ACOXL: variants seen among roughly 807,000 people sequenced by gnomAD.
ACOXL encodes acyl-CoA oxidase like.
In ACOXL, 70 loss-of-function variants were observed where a neutral mutation model predicts 71.9. The observed-to-expected ratio is 0.97, with a 90% confidence interval of 0.80 to 1.19. The LOEUF (loss-of-function observed/expected upper bound fraction) is 1.19. ACOXL is among the 50% of genes most tolerant of loss of function. The probability of loss-of-function intolerance (pLI) is 0.00; values close to 1 mark genes in which losing one functional copy is unlikely to be tolerated. For synonymous variants in ACOXL, 253 were observed against 281.6 expected, an observed-to-expected ratio of 0.90 and a Z score of 1.02; for missense variants, 703 against 736.3, an observed-to-expected ratio of 0.95 and a Z score of 0.52.
chr2:110,957,785 G>A (rs1380897786), intron 12 of ACOXL, among the ~76,000 whole-genome samples: 2 of 152,144 alleles, frequency 1.3e-5, no homozygotes, highest in Non-Finnish European at 2.9e-5. Flanking sequence ...GACCAGGGGT[G>A]CTGGCTTATG....
At position 111,118,197 on chromosome 2, in the gene ACOXL, A is replaced by G; in HGVS notation, c.*381A>G. ...CGGTGACTCACATTCCCAGTGATTT[A>G]GAAAAACTGTGGTGCCGAGTGAAAG... is the stretch of plus-strand genomic sequence containing the variant. On this transcript the variant is annotated 3_prime_UTR_variant, in exon 18 of 18. Transcript: ENST00000439055. 6.8e-6 allele frequency: 2 copies of G among 294,120 alleles called. No homozygotes were observed. Among genetic ancestry groups the G allele is most frequent in the Non-Finnish European group, 6.3e-6 (1 of 158,914 alleles). The allele number at this position is 294,120 out of a possible 1,614,324, so 18.2% of individuals were successfully genotyped here. A position where few individuals can be genotyped will look rare whatever the true frequency, so the allele number is the denominator to read the frequency against.
chr2:110,794,724 G>A (rs549598112), intron 5 of ACOXL, among the ~76,000 whole-genome samples: 16 of 152,216 alleles, frequency 1.1e-4, no homozygotes, highest in Admixed American at 9.1e-4. Context: ...ACTCTATATG[G>A]TCAATGCTGA....
At chr2:111,034,205 G>A (rs2065406071) in intron 15 of ACOXL, among the ~76,000 whole-genome samples, 2 of 152,200 alleles carry the variant, frequency 1.3e-5, no homozygotes, top group South Asian at 2.1e-4. Context: ...TCGTGGGGCT[G>A]TTGGAAATAT....
intron 14 of ACOXL, among the ~76,000 whole-genome samples, chr2:111,010,141 A>G (rs1039892115): frequency 6.6e-6 from 1 of 152,156 alleles, no homozygotes; most frequent in African/African-American, 2.4e-5. Context: ...GAAGACCCCA[A>G]AATTCCCAGA....
At chr2:111,074,171 T>C (rs922683851) in intron 16 of ACOXL, among the ~76,000 whole-genome samples, 2 of 151,986 alleles carry the variant, frequency 1.3e-5, no homozygotes, top group African/African-American at 4.8e-5. Flanking sequence ...TGTTGTTTTT[T>C]TTTTTTTCTA....
chr2:110,810,549 A>T (rs1200780824), intron 9 of ACOXL, among the ~76,000 whole-genome samples: 1 of 151,856 alleles, frequency 6.6e-6, no homozygotes, highest in African/African-American at 2.4e-5. Context: ...TCATCCATTC[A>T]TCATTCATCC....
At position 110,805,250 on chromosome 2, in the gene ACOXL, CTCT is replaced by C. The variant is rs1162555602; in HGVS notation, c.621-11_621-9del. ...CCTGCTTTTTTGTGAAACCCCACCT[CTCT>C]TTTCCACAGGTTTGGTTCCGTGGCT... On this transcript the variant is annotated splice_polypyrimidine_tract_variant and intron_variant, in intron 8 of 17. Coordinates refer to ENST00000439055, the MANE Select transcript of ACOXL (RefSeq NM_001142807.4). 1.9e-6 allele frequency: 3 copies of C among 1,613,796 alleles called. No individual in the cohort carries two copies. Among genetic ancestry groups the C allele is most frequent in the Non-Finnish European group, 2.5e-6 (3 of 1,179,894 alleles).
intron 11 of ACOXL, 83 bp downstream of exon 11, chr2:110,908,988 A>C (rs1044040768): frequency 9.7e-7 from 1 of 1,033,350 alleles, no homozygotes; most frequent in African/African-American, 1.6e-5. Flanking sequence ...CAGGCACAGG[A>C]TGTCATTTTC....
intron 12 of ACOXL, among the ~76,000 whole-genome samples, chr2:110,967,338 A>G (rs1291364539): frequency 2.0e-5 from 3 of 152,224 alleles, no homozygotes; most frequent in Non-Finnish European, 4.4e-5. Context: ...AATTTACCCA[A>G]TCTGAACAAC....
intron 3 of ACOXL, among the ~76,000 whole-genome samples, chr2:110,788,306 A>G (rs1437042775): frequency 6.6e-6 from 1 of 152,272 alleles, no homozygotes; most frequent in Non-Finnish European, 1.5e-5. Flanking sequence ...TTGTTCAGCC[A>G]CAAAAAATAG....
At chr2:110,946,027 C>G (rs1199725239) in intron 12 of ACOXL, among the ~76,000 whole-genome samples, 1 of 152,138 alleles carries the variant, frequency 6.6e-6, no homozygotes, top group African/African-American at 2.4e-5. Context: ...TTTCTTTGAG[C>G]AGCGTTTTGT....
intron 12 of ACOXL, among the ~76,000 whole-genome samples, chr2:110,942,885 A>C (rs753099169): frequency 1.3e-5 from 2 of 150,954 alleles, no homozygotes; most frequent in Admixed American, 6.6e-5. Context: ...CCCTGAAAAA[A>C]AAAGGAAGGC....
At chr2:111,009,025 C>T (rs2064008089) in intron 14 of ACOXL, among the ~76,000 whole-genome samples, 1 of 152,142 alleles carries the variant, frequency 6.6e-6, no homozygotes, top group Non-Finnish European at 1.5e-5. Flanking sequence ...AATTTTCTCC[C>T]AGTTCGTCAC....
At chr2:111,108,814 C>T (rs566739149) in intron 17 of ACOXL, among the ~76,000 whole-genome samples, 1 of 152,314 alleles carries the variant, frequency 6.6e-6, no homozygotes, top group East Asian at 1.9e-4. Context: ...CAATTCCTCA[C>T]CCTGACCCCT....
At chr2:110,848,208 TA>T (rs1661623294) in intron 10 of ACOXL, among the ~76,000 whole-genome samples, 1 of 152,170 alleles carries the variant, frequency 6.6e-6, no homozygotes, top group Non-Finnish European at 1.5e-5. Flanking sequence ...CCAAATTTTG[TA>T]AAAATAAACA....
At chr2:110,910,258 C>A (rs1309449347) in intron 11 of ACOXL, among the ~76,000 whole-genome samples, 1 of 152,106 alleles carries the variant, frequency 6.6e-6, no homozygotes, top group Non-Finnish European at 1.5e-5. Flanking sequence ...TCTTTAGTGT[C>A]CAATTTATTT....
At chr2:110,780,847 A>G (rs902671753) in intron 2 of ACOXL, among the ~76,000 whole-genome samples, 1 of 151,934 alleles carries the variant, frequency 6.6e-6, no homozygotes, top group Non-Finnish European at 1.5e-5. Context: ...CATCCTGGGC[A>G]ACATGGTGAG....
chr2:110,971,253 C>A (rs575905663), intron 12 of ACOXL, among the ~76,000 whole-genome samples: 1 of 152,296 alleles, frequency 6.6e-6, no homozygotes, highest in South Asian at 2.1e-4. Flanking sequence ...AAATGCAAAT[C>A]AAAACTCCTA....
chr2:110,751,869 C>A (rs1024125159), intron 1 of ACOXL, among the ~76,000 whole-genome samples: 1 of 152,174 alleles, frequency 6.6e-6, no homozygotes, highest in Non-Finnish European at 1.5e-5. Context: ...TATATTAATT[C>A]AATTTAATCT....
Sources: gnomAD v4.1 joint callset for allele counts (sites outside exome capture counted in the v4.1 genomes callset) on GRCh38, gnomAD v4.1.1 for gene constraint, MANE v1.5 for transcripts, NCBI Gene and HGNC (gene_info 2026-07-23, HGNC 2026-07-21) for gene names.